Variants in ESCO1 observed in about 807,000 individuals in gnomAD.
ESCO1 encodes N-acetyltransferase ESCO1.
ESCO1 carries 33 observed loss-of-function variants against 83.5 expected under a neutral mutation model. That is an observed-to-expected ratio of 0.40 (90% CI 0.30 to 0.53). The LOEUF (loss-of-function observed/expected upper bound fraction) is 0.53, where lower values mean the gene tolerates loss of function less well. Among genes scored for constraint, ESCO1 ranks in the 20% least tolerant of loss-of-function variants. The pLI, the probability that ESCO1 is intolerant of heterozygous loss-of-function variation, is 0.63. For missense variants in ESCO1, 855 were observed against 968.0 expected (o/e 0.88, Z 1.55); for synonymous variants, 332 against 324.3 (o/e 1.02, Z -0.25).
At chr18:21,548,982 C>T (rs954798448) in intron 8 of ESCO1, among the ~76,000 whole-genome samples, 4 of 151,906 alleles carry the variant, frequency 2.6e-5, no homozygotes, top group African/African-American at 9.7e-5. Context: ...CTATTCCCTC[C>T]TTATTAACAG....
At chr18:21,567,882 G>T (rs1598467426) in intron 5 of ESCO1, 98 bp downstream of exon 5, 2 of 818,688 alleles carry the variant, frequency 2.4e-6, no homozygotes, top group Non-Finnish European at 3.8e-6. Flanking sequence ...TGGTTAAAAA[G>T]AATTTAACAA....
rs544585687 is a variant in ESCO1, at chr18:21,575,122, T to C, written c.-279A>G. 407 of 367,784 alleles carry C rather than the reference T, an allele frequency of 1.1e-3. No homozygotes were observed. Among genetic ancestry groups the C allele is most frequent in the Non-Finnish European group, 1.6e-3 (324 of 208,596 alleles). 22.8% of individuals were successfully genotyped at this position (367,784 alleles called of 1,614,324 possible). ...TGAGGAAAATTTTGATTATTTTTAA[T>C]AAGTTTTTTTATCAAAAGAAATTTA... is the stretch of plus-strand genomic sequence containing the variant. On this transcript the variant is annotated 5_prime_UTR_variant, in exon 4 of 12. Transcript: ENST00000269214.
At chr18:21,540,552 AG>A (rs1386586310) in intron 8 of ESCO1, 1 of 1,301,784 alleles carries the variant, frequency 7.7e-7, no homozygotes, top group East Asian at 4.8e-5. Flanking sequence ...AGCCACAAGA[AG>A]GAGACTATAA....
chr18:21,553,862 C>CAA (rs1261790821), intron 8 of ESCO1, among the ~76,000 whole-genome samples: 8 of 86,350 alleles, frequency 9.3e-5, no homozygotes, highest in African/African-American at 1.8e-4. Context: ...GAAACTCTGT[C>CAA]AAAAAAAAAA....
At chr18:21,567,582 T>A (rs2038279777) in intron 5 of ESCO1, among the ~76,000 whole-genome samples, 1 of 151,992 alleles carries the variant, frequency 6.6e-6, no homozygotes, top group South Asian at 2.1e-4. Context: ...AGAGATAGGA[T>A]CATTCAGATG....
intron 2 of ESCO1, among the ~76,000 whole-genome samples, chr18:21,578,988 G>C (rs749763012): frequency 2.0e-5 from 3 of 152,072 alleles, no homozygotes; most frequent in Admixed American, 6.6e-5. Context: ...AACCTCCTGA[G>C]TAGCTGGGAT....
intron 8 of ESCO1, among the ~76,000 whole-genome samples, chr18:21,544,467 A>C (rs2037946441): frequency 6.6e-6 from 1 of 151,020 alleles, no homozygotes; most frequent in African/African-American, 2.4e-5. Context: ...AAAAAACAAA[A>C]AAAAAACAAA....
At chr18:21,546,262 A>G (rs8094146) in intron 8 of ESCO1, among the ~76,000 whole-genome samples, 3,477 of 152,194 alleles carry the variant, frequency 0.023, 145 homozygotes, top group African/African-American at 0.08. Context: ...AACAGATACA[A>G]AAACAGGCCT....
intron 1 of ESCO1, among the ~76,000 whole-genome samples, chr18:21,599,609 T>G (rs1330429477): frequency 6.6e-6 from 1 of 152,224 alleles, no homozygotes; most frequent in Non-Finnish European, 1.5e-5. Context: ...AGATACTGTG[T>G]GCTGCGATTC....
At chr18:21,538,232 C>T (rs531348582) in intron 9 of ESCO1, among the ~76,000 whole-genome samples, 1 of 150,858 alleles carries the variant, frequency 6.6e-6, no homozygotes, top group East Asian at 1.9e-4. Flanking sequence ...CAGGAGGATC[C>T]CTTGAGACCA....
At chr18:21,537,622 A>G (rs544410774) in intron 9 of ESCO1, among the ~76,000 whole-genome samples, 1 of 152,368 alleles carries the variant, frequency 6.6e-6, no homozygotes, top group African/African-American at 2.4e-5. Flanking sequence ...ACAGCATCCT[A>G]CAACTCCTAA....
chr18:21,562,874 A>AT (rs563652674), intron 7 of ESCO1, among the ~76,000 whole-genome samples: 2,530 of 143,930 alleles, frequency 0.018, 25 homozygotes, highest in Non-Finnish European at 0.026. Flanking sequence ...CCATGTTATT[A>AT]TTTTTTTTTT....
intron 1 of ESCO1, chr18:21,596,901 T>C (rs1167919427): frequency 1.3e-5 from 2 of 152,236 alleles, no homozygotes; most frequent in Non-Finnish European, 2.9e-5. Context: ...ATATTATCAT[T>C]ATCCCCTTCA....
At chr18:21,580,392 T>A (rs2038486238) in intron 2 of ESCO1, among the ~76,000 whole-genome samples, 1 of 152,144 alleles carries the variant, frequency 6.6e-6, no homozygotes, top group Non-Finnish European at 1.5e-5. Flanking sequence ...GGAAGCAAGA[T>A]AATGGGAAAA....
intron 8 of ESCO1, among the ~76,000 whole-genome samples, chr18:21,552,224 T>G (rs1047851796): frequency 6.6e-6 from 1 of 152,172 alleles, no homozygotes; most frequent in Non-Finnish European, 1.5e-5. Context: ...ATTTCAAAAC[T>G]TACTATAAGG....
chr18:21,543,739 A>C (rs2037935922), intron 8 of ESCO1, among the ~76,000 whole-genome samples: 1 of 152,228 alleles, frequency 6.6e-6, no homozygotes, highest in South Asian at 2.1e-4. Flanking sequence ...CAGCTTTTCA[A>C]AAAATAAACA....
chr18:21,595,466 G>A (rs996870322), intron 1 of ESCO1, among the ~76,000 whole-genome samples: 2 of 151,010 alleles, frequency 1.3e-5, no homozygotes, highest in Admixed American at 6.6e-5. Flanking sequence ...TCAGGAGGTC[G>A]AGACCATCCT....
intron 1 of ESCO1, among the ~76,000 whole-genome samples, chr18:21,591,019 A>C (rs2038660339): frequency 6.6e-6 from 1 of 152,162 alleles, no homozygotes; most frequent in South Asian, 2.1e-4. Context: ...GTAGTGGCTA[A>C]ATGGTGGGCC....
At chr18:21,546,566 A>C (rs770858894) in intron 8 of ESCO1, among the ~76,000 whole-genome samples, 1 of 152,176 alleles carries the variant, frequency 6.6e-6, no homozygotes, top group Non-Finnish European at 1.5e-5. Flanking sequence ...TTTTGTTTTG[A>C]GACAGGGTCT....
Sources: gnomAD v4.1 joint callset for allele counts (sites outside exome capture counted in the v4.1 genomes callset) on GRCh38, gnomAD v4.1.1 for gene constraint, MANE v1.5 for transcripts, NCBI Gene and HGNC (gene_info 2026-07-23, HGNC 2026-07-21) for gene names.